The following RASAL2 variants were observed in gnomAD, a reference collection of about 807,000 sequenced individuals.
RASAL2 encodes ras GTPase-activating protein nGAP.
In RASAL2, 58 loss-of-function variants were observed where a neutral mutation model predicts 128.9. The ratio of observed to expected loss-of-function variants is 0.45; its 90% CI spans 0.36 to 0.56. RASAL2 has a LOEUF of 0.56. RASAL2 is among the 20% of genes least tolerant of loss of function. RASAL2 has a pLI of 0.00. For missense variants in RASAL2, 1,360 were observed against 1,601.6 expected (o/e 0.85, Z 2.57); for synonymous variants, 561 against 580.8 (o/e 0.97, Z 0.49).
chr1:178,118,333 CTAT>C (rs1659590469), intron 1 of RASAL2, among the ~76,000 whole-genome samples: 1 of 151,982 alleles, frequency 6.6e-6, no homozygotes, highest in Non-Finnish European at 1.5e-5. Context: ...TACTTTATTT[CTAT>C]TATTATTACA....
chr1:178,143,897 A>T (rs1660626852), intron 1 of RASAL2, among the ~76,000 whole-genome samples: 1 of 152,170 alleles, frequency 6.6e-6, no homozygotes, highest in African/African-American at 2.4e-5. Context: ...TGAACCTATG[A>T]TGAATGAAAG....
chr1:178,147,686 TAC>T (rs1369369796), intron 1 of RASAL2, among the ~76,000 whole-genome samples: 1 of 152,192 alleles, frequency 6.6e-6, no homozygotes, highest in African/African-American at 2.4e-5. Context: ...CTAGGTTGTA[TAC>T]ATATGTGCAA....
intron 2 of RASAL2, among the ~76,000 whole-genome samples, chr1:178,290,270 A>G (rs921805437): frequency 6.6e-6 from 1 of 152,248 alleles, no homozygotes; most frequent in Non-Finnish European, 1.5e-5. Context: ...CAAAAGCCAA[A>G]TTAAAAACTT....
chr1:178,432,255 A>G lies in RASAL2; in HGVS notation c.675-7167A>G, dbSNP rs148865646. On this transcript the variant is annotated intron_variant, in intron 5 of 17. Transcript: ENST00000367649. ...ATCTTCACTTCCTCATATTTCATTC[A>G]TTTTCTCAACCCATTGAAATCTTAT... 7.9e-5 allele frequency among the ~76,000 whole-genome samples: 12 copies of G among 151,988 alleles called. No homozygotes were observed. In the East Asian group the frequency reaches 1.7e-3, roughly 22 times the overall value.
intron 1 of RASAL2, among the ~76,000 whole-genome samples, chr1:178,103,692 C>A (rs957232833): frequency 1.3e-5 from 2 of 151,590 alleles, no homozygotes; most frequent in Admixed American, 6.6e-5. Context: ...TTATTGGGTT[C>A]TTGGATCTTT....
chr1:178,205,318 A>G (rs975249660), intron 1 of RASAL2, among the ~76,000 whole-genome samples: 1 of 152,102 alleles, frequency 6.6e-6, no homozygotes, highest in Non-Finnish European at 1.5e-5. Flanking sequence ...AAAATTGTTT[A>G]TAGAAAAATA....
chr1:178,449,148 C>T (rs756726278), intron 9 of RASAL2, among the ~76,000 whole-genome samples: 2 of 152,114 alleles, frequency 1.3e-5, no homozygotes, highest in Non-Finnish European at 1.5e-5. Flanking sequence ...TTAAAAGTTG[C>T]CAGTAATAGT....
At chr1:178,217,390 C>T (rs1319623097) in intron 1 of RASAL2, among the ~76,000 whole-genome samples, 7 of 152,206 alleles carry the variant, frequency 4.6e-5, no homozygotes. Context: ...TAGAACTTCT[C>T]ACACCAGAGT....
At chr1:178,321,163 A>C (rs920670442) in intron 3 of RASAL2, among the ~76,000 whole-genome samples, 4 of 151,954 alleles carry the variant, frequency 2.6e-5, no homozygotes, top group Non-Finnish European at 5.9e-5. Context: ...GGCTCACTGC[A>C]ACCTCCACCT....
chr1:178,346,362 C>T (rs1382400864), intron 3 of RASAL2, among the ~76,000 whole-genome samples: 1 of 151,488 alleles, frequency 6.6e-6, no homozygotes, highest in African/African-American at 2.4e-5. Context: ...GGTCACATCA[C>T]TGTACTCCCG....
intron 1 of RASAL2, among the ~76,000 whole-genome samples, chr1:178,116,681 C>T (rs764324289): frequency 4.1e-4 from 63 of 152,294 alleles, no homozygotes; most frequent in Middle Eastern, 6.8e-3. Context: ...ACGATCTCGG[C>T]TCACTGCAAT....
chr1:178,414,994 C>T (rs1245582633), intron 4 of RASAL2, among the ~76,000 whole-genome samples: 2 of 152,194 alleles, frequency 1.3e-5, no homozygotes, highest in East Asian at 3.9e-4. Flanking sequence ...TACAGACTTA[C>T]AAATTTTATT....
intron 3 of RASAL2, among the ~76,000 whole-genome samples, chr1:178,343,924 C>T (rs1670012520): frequency 6.6e-6 from 1 of 151,972 alleles, no homozygotes; most frequent in South Asian, 2.1e-4. Flanking sequence ...TATGTTTACA[C>T]AATTTGGAAA....
intron 3 of RASAL2, among the ~76,000 whole-genome samples, chr1:178,357,201 A>G (rs1670855946): frequency 6.6e-6 from 1 of 152,136 alleles, no homozygotes; most frequent in South Asian, 2.1e-4. Flanking sequence ...TTTATTGTTC[A>G]ATCTGTCTCT....
At chr1:178,464,189 C>A in intron 14 of RASAL2, 89 bp from the exon 15 acceptor site, 1 of 1,431,910 alleles carries the variant, frequency 7.0e-7, no homozygotes, top group Non-Finnish European at 9.3e-7. Context: ...TGAGAGATCA[C>A]AGTTAATGTC....
At chr1:178,173,898 A>G (rs960078273) in intron 1 of RASAL2, among the ~76,000 whole-genome samples, 1 of 57,390 alleles carries the variant, frequency 1.7e-5, no homozygotes, top group Non-Finnish European at 3.2e-5. Context: ...TATGAAAAAC[A>G]AGCTTTTTTT....
chr1:178,123,983 T>A (rs1443051349), intron 1 of RASAL2, among the ~76,000 whole-genome samples: 1 of 152,160 alleles, frequency 6.6e-6, no homozygotes, highest in African/African-American at 2.4e-5. Flanking sequence ...CAAAATGCAC[T>A]ATTAGTGACA....
intron 1 of RASAL2, among the ~76,000 whole-genome samples, chr1:178,137,434 A>T (rs189983288): frequency 6.6e-6 from 1 of 152,254 alleles, no homozygotes. Context: ...AGTTAGTTCT[A>T]CTGTCTCCCT....
chr1:178,283,826 G>A (rs1232289406), intron 2 of RASAL2, 135 bp downstream of exon 2: 2 of 1,016,452 alleles, frequency 2.0e-6, no homozygotes, highest in Non-Finnish European at 2.9e-6. Flanking sequence ...AAGTCTAAAA[G>A]GCTGCTAATG....
Sources: allele counts gnomAD v4.1 joint callset (sites outside exome capture counted in the v4.1 genomes callset), GRCh38; gene constraint gnomAD v4.1.1; transcripts MANE v1.5; gene names NCBI Gene and HGNC (gene_info 2026-07-23, HGNC 2026-07-21).